Variants in SYNE2 observed in about 807,000 individuals in gnomAD.
SYNE2 encodes the protein nesprin-2.
In SYNE2, 431 loss-of-function variants were observed where a neutral mutation model predicts 856.3. The observed-to-expected ratio is 0.50, with a 90% CI of 0.47 to 0.55. SYNE2 has a LOEUF of 0.55. SYNE2 is among the 20% of genes least tolerant of loss of function. The pLI is 0.00. For synonymous variants in SYNE2, 2,923 were observed against 2,872.3 expected (o/e 1.02, Z -0.56); for missense variants, 8,129 against 8,023.2 (o/e 1.01, Z -0.50).
rs866675654 is a variant in SYNE2, at chr14:64,098,081, G to A, written c.12241G>A (p.Asp4081Asn). The A allele has an allele frequency of 1.2e-6, 2 of 1,614,176 alleles. No homozygotes were observed. The highest frequency in any genetic ancestry group is 8.5e-7 in the Non-Finnish European group (1 of 1,180,024). Residue 4081 changes from aspartate to asparagine, a missense_variant, in exon 62 of 116, where the codon GAT (aspartate) becomes AAT (asparagine). This residue lies in a region of SYNE2 where 5,410 missense variants were observed against 5,284.8 expected (regional missense o/e 1.02). Coordinates refer to ENST00000555002, the MANE Select transcript of SYNE2 (RefSeq NM_182914.3). Reference sequence around the variant, plus strand: ...GCAAGAACAAGAAGGAGTAGAAAGAGATAGGCTGCCAGCTGTAACATCAGA... The same window carrying A: ...GCAAGAACAAGAAGGAGTAGAAAGAAATAGGCTGCCAGCTGTAACATCAGA... ...LKQEQEGVER[D>N]RLPAVTSEEG...
intron 76 of SYNE2, among the ~76,000 whole-genome samples, chr14:64,131,920 G>GT (rs1292159522): frequency 6.6e-6 from 1 of 151,988 alleles, no homozygotes; most frequent in Non-Finnish European, 1.5e-5. Context: ...CAAAGACTGA[G>GT]TTTTTTTGTT....
chr14:64,182,917 G>GT (rs1239337963), intron 96 of SYNE2, among the ~76,000 whole-genome samples: 1 of 152,240 alleles, frequency 6.6e-6, no homozygotes, highest in Non-Finnish European at 1.5e-5. Context: ...CCTAGACGGG[G>GT]TGACGGCTGG....
chr14:63,802,865 G>C (rs554975371), intron 1 of SYNE2, among the ~76,000 whole-genome samples: 1 of 152,010 alleles, frequency 6.6e-6, no homozygotes, highest in African/African-American at 2.4e-5. Flanking sequence ...TGGTGGGCTC[G>C]TGGTCTCCCT....
intron 1 of SYNE2, among the ~76,000 whole-genome samples, chr14:63,774,853 G>A (rs1450037863): frequency 6.6e-6 from 1 of 152,132 alleles, no homozygotes; most frequent in African/African-American, 2.4e-5. Context: ...AAGGCAGCAT[G>A]TTAGGCACTG....
Position 64,045,027 on chromosome 14 carries a change from G to C in SYNE2, c.7222-2973G>C, listed in dbSNP as rs2097175667. Among the ~76,000 whole-genome samples, 3 of 152,168 alleles carry C rather than the reference G, an allele frequency of 2.0e-5. No homozygotes were observed. In the South Asian group the frequency reaches 6.2e-4, roughly 32 times the overall value. On this transcript the variant is annotated intron_variant, in intron 45 of 115. Transcript: ENST00000555002. ...GTAAAAATAAAATGGAGGAAAGGGT[G>C]GTGAGCCAAGGACGCCTGCTGATGA...
intron 45 of SYNE2, among the ~76,000 whole-genome samples, chr14:64,047,233 C>T (rs549669287): frequency 3.9e-5 from 6 of 152,222 alleles, no homozygotes; most frequent in Admixed American, 6.5e-5. Flanking sequence ...GAAGTCAGGC[C>T]GTCTCCTCCT....
At chr14:63,801,971 C>A (rs1053985983) in intron 1 of SYNE2, among the ~76,000 whole-genome samples, 2 of 143,264 alleles carry the variant, frequency 1.4e-5, no homozygotes. Context: ...TCTTTTTAAA[C>A]AATACATGAA....
chr14:63,907,741 A>G (rs575719727), intron 1 of SYNE2, among the ~76,000 whole-genome samples: 1 of 152,230 alleles, frequency 6.6e-6, no homozygotes, highest in African/African-American at 2.4e-5. Flanking sequence ...GGTCCTCAGT[A>G]TATCGCAAAG....
At chr14:64,024,194 G>C in intron 38 of SYNE2, 63 bp from the exon 39 acceptor site, 1 of 1,456,698 alleles carries the variant, frequency 6.9e-7, no homozygotes, top group Non-Finnish European at 9.6e-7. Flanking sequence ...AGTGTCGTGA[G>C]GGTGGCAGAG....
Position 64,094,059 on chromosome 14 carries a change from G to A in SYNE2, c.12108+579G>A, listed in dbSNP as rs564664026. On this transcript the variant is annotated intron_variant, in intron 61 of 115. Coordinates refer to ENST00000555002, the MANE Select transcript of SYNE2 (RefSeq NM_182914.3). ...ATTAACAGTGTCCTGTGGGCCGGGC[G>A]CGGTGGCTCACGCCTGTAATCCCAG... Among the ~76,000 whole-genome samples, 164 of 151,776 alleles carry A rather than the reference G, an allele frequency of 1.1e-3. 1 individual carries two copies. The highest frequency in any genetic ancestry group is 3.6e-3 in the African/African-American group (149 of 41,392).
chr14:63,971,401 C>T (rs1274630162), intron 11 of SYNE2, among the ~76,000 whole-genome samples: 1 of 152,052 alleles, frequency 6.6e-6, no homozygotes. Flanking sequence ...CAGATGTGAG[C>T]CACCACACCC....
chr14:63,862,459 C>T (rs967196118), intron 1 of SYNE2, among the ~76,000 whole-genome samples: 1 of 152,168 alleles, frequency 6.6e-6, no homozygotes, highest in Non-Finnish European at 1.5e-5. Flanking sequence ...TGGTCTCAAA[C>T]TTCTGGGCTC....
rs372672780 is a variant in SYNE2 at position 63,777,494 on chromosome 14, CAG to C, written c.-305+15511_-305+15512del. On this transcript the variant is annotated intron_variant, in intron 1 of 23. Coordinates refer to the SYNE2 transcript ENST00000674003. ...AGGCTGCAGTGAGCAGCCTAGGTGA[CAG>C]AGCAAGACCCTGCCTCAAACAAAAC... Among the ~76,000 whole-genome samples, 102 of 152,184 alleles carry C rather than the reference CAG, an allele frequency of 6.7e-4. 1 individual carries two copies. The South Asian group carries it at 0.016, about 24-fold the overall frequency.
intron 10 of SYNE2, 50 bp from the exon 11 acceptor site, chr14:63,967,659 A>T (rs753294114): frequency 6.3e-7 from 1 of 1,576,678 alleles, no homozygotes; most frequent in Admixed American, 1.7e-5. Flanking sequence ...ATTATATGAT[A>T]TAAATGGAAT....
At chr14:64,224,805 A>C (rs769581670) in intron 114 of SYNE2, among the ~76,000 whole-genome samples, 194 bp from the exon 115 acceptor site, 2 of 152,114 alleles carry the variant, frequency 1.3e-5, no homozygotes, top group Non-Finnish European at 2.9e-5. Flanking sequence ...TTGACCCTGA[A>C]ACTGAGTAGA....
intron 94 of SYNE2, among the ~76,000 whole-genome samples, chr14:64,171,920 G>A (rs2098413121): frequency 6.6e-6 from 1 of 152,150 alleles, no homozygotes; most frequent in South Asian, 2.1e-4. Flanking sequence ...TTGCGATCTT[G>A]GCTCACTGCA....
chr14:63,970,203 T>G (rs542398700), intron 11 of SYNE2, among the ~76,000 whole-genome samples: 1 of 152,314 alleles, frequency 6.6e-6, no homozygotes, highest in East Asian at 1.9e-4. Flanking sequence ...TGTCTTTTTT[T>G]TTTGAGATCG....
chr14:64,030,469 G>C (rs2097024714), intron 44 of SYNE2, among the ~76,000 whole-genome samples: 1 of 152,190 alleles, frequency 6.6e-6, no homozygotes, highest in East Asian at 1.9e-4. Context: ...CTAGTTCAAA[G>C]TAGCTACTGC....
chr14:63,950,976 A>G (rs2096146015), intron 7 of SYNE2, among the ~76,000 whole-genome samples: 1 of 152,058 alleles, frequency 6.6e-6, no homozygotes, highest in Non-Finnish European at 1.5e-5. Context: ...CCAATTAAAA[A>G]TTGGGGATAA....
Sources: allele counts gnomAD v4.1 joint callset (sites outside exome capture counted in the v4.1 genomes callset), GRCh38; gene constraint gnomAD v4.1.1; regional missense constraint gnomAD v4.1.1; transcripts MANE v1.5; gene names NCBI Gene and HGNC (gene_info 2026-07-23, HGNC 2026-07-21).